Variants in CIMIP2A observed in about 807,000 individuals in gnomAD.
CIMIP2A encodes family with sequence similarity 166 member A.
At chr9:137,251,915 ACCC>A in the CIMIP2A span, 3 of 1,601,056 alleles carry the variant, frequency 1.9e-6, no homozygotes, top group Non-Finnish European at 2.6e-6. Flanking sequence ...GGTCCTGGCC[ACCC>A]CACCCCCAAG....
At chr9:137,253,517 G>A in the CIMIP2A span, 29 of 1,413,928 alleles carry the variant, frequency 2.1e-5, no homozygotes, top group African/African-American at 1.3e-4. Flanking sequence ...TCCTTCACCC[G>A]GGGGCGGTCC....
chr9:137,252,933 G>A, the CIMIP2A span: 236 of 1,600,078 alleles, frequency 1.5e-4, no homozygotes, highest in South Asian at 2.5e-3. Flanking sequence ...TCGATGAGCC[G>A]CTCCCCTGCG....
chr9:137,249,737 G>C, the CIMIP2A span, among the ~76,000 whole-genome samples: 4 of 152,234 alleles, frequency 2.6e-5, 1 homozygote, highest in East Asian at 7.7e-4. Context: ...CCAGAGGGCG[G>C]CAACTAGCGA....
chr9:137,250,843 G>A, the CIMIP2A span: 1 of 178,124 alleles, frequency 5.6e-6, no homozygotes, highest in Non-Finnish European at 1.2e-5. Context: ...CTTCCTCCAG[G>A]GAGCCTTCCT....
the CIMIP2A span, among the ~76,000 whole-genome samples, chr9:137,253,917 C>T: frequency 6.6e-6 from 1 of 152,206 alleles, no homozygotes; most frequent in South Asian, 2.1e-4. Flanking sequence ...GTCACCTGTG[C>T]CCTGAACACT....
At chr9:137,243,794 G>A in the CIMIP2A span, 1 of 1,613,844 alleles carries the variant, frequency 6.2e-7, no homozygotes, top group African/African-American at 1.3e-5. Flanking sequence ...CATGGCTGCG[G>A]GGAGCCAGGC....
the CIMIP2A span, chr9:137,252,190 TG>T: frequency 6.4e-7 from 1 of 1,567,126 alleles, no homozygotes. Flanking sequence ...ACCCTGGGAA[TG>T]GGGGCCTTTG....
At chr9:137,246,754 C>T in the CIMIP2A span, among the ~76,000 whole-genome samples, 1 of 151,954 alleles carries the variant, frequency 6.6e-6, no homozygotes, top group Non-Finnish European at 1.5e-5. Flanking sequence ...CAGAGCGAGA[C>T]TCCGTCTCAA....
the CIMIP2A span, chr9:137,243,626 C>T: frequency 6.2e-7 from 1 of 1,613,336 alleles, no homozygotes; most frequent in Non-Finnish European, 8.5e-7. Flanking sequence ...TGTCCTGTGG[C>T]CTGTCCCACT....
At chr9:137,243,996 A>AC in the CIMIP2A span, among the ~76,000 whole-genome samples, 5,798 of 151,870 alleles carry the variant, frequency 0.038, 181 homozygotes, top group East Asian at 0.14. Flanking sequence ...GGGTCCAGTG[A>AC]CCCCCCTTCC....
chr9:137,244,823 G>A, the CIMIP2A span: 2 of 1,573,938 alleles, frequency 1.3e-6, no homozygotes, highest in Non-Finnish European at 1.7e-6. Context: ...TGTCAGGGAA[G>A]CCAGGCAAGG....
At chr9:137,248,542 CAAA>C in the CIMIP2A span, among the ~76,000 whole-genome samples, 207 of 109,468 alleles carry the variant, frequency 1.9e-3, no homozygotes, top group Middle Eastern at 5.2e-3. Flanking sequence ...GACTCTGTCT[CAAA>C]AAAAAAAAAA....
chr9:137,245,308 T>C, the CIMIP2A span: 1 of 1,583,744 alleles, frequency 6.3e-7, no homozygotes, highest in Non-Finnish European at 8.6e-7. Context: ...CCTGGCTGCC[T>C]GGTGCTGCCT....
At chr9:137,245,320 G>A in the CIMIP2A span, 5 of 1,589,830 alleles carry the variant, frequency 3.1e-6, no homozygotes, top group Middle Eastern at 3.6e-4. Context: ...GTGCTGCCTG[G>A]GGGCCTCGCA....
chr9:137,251,057 G>C, the CIMIP2A span: 1 of 550,134 alleles, frequency 1.8e-6, no homozygotes, highest in East Asian at 3.2e-5. Context: ...AGGTTGCGGG[G>C]AGGGAGAGGG....
chr9:137,253,044 G>A, the CIMIP2A span: 1 of 1,212,968 alleles, frequency 8.2e-7, no homozygotes, highest in African/African-American at 1.5e-5. Flanking sequence ...GGGGCCGGGG[G>A]TGGGAACTGG....
the CIMIP2A span, chr9:137,244,305 G>T: frequency 6.2e-7 from 1 of 1,613,198 alleles, no homozygotes; most frequent in African/African-American, 1.3e-5. Flanking sequence ...AGACAGGAAG[G>T]TGCTAACAAG....
At chr9:137,252,528 TG>T in the CIMIP2A span, 15 of 616,550 alleles carry the variant, frequency 2.4e-5, no homozygotes, top group Non-Finnish European at 3.0e-5. Context: ...AGCAAAAGGT[TG>T]GGGGCTGGGC....
chr9:137,245,445 T>A, the CIMIP2A span: 1 of 1,613,884 alleles, frequency 6.2e-7, no homozygotes, highest in Non-Finnish European at 8.5e-7. Context: ...GCGTGAAGCC[T>A]GCAGGCAGCA....
Sources: gnomAD v4.1 joint callset for allele counts (sites outside exome capture counted in the v4.1 genomes callset) on GRCh38, gnomAD v4.1.1 for gene constraint, MANE v1.5 for transcripts, NCBI Gene and HGNC (gene_info 2026-07-23, HGNC 2026-07-21) for gene names.